The following WWP2 variants were observed in gnomAD, a reference collection of about 807,000 sequenced individuals.
The protein encoded by WWP2 is WW domain containing E3 ubiquitin protein ligase 2.
In WWP2, 57 loss-of-function variants were observed where a neutral mutation model predicts 121.0. The ratio of observed to expected loss-of-function variants is 0.47; its 90% CI spans 0.38 to 0.59. The LOEUF is 0.59. WWP2 is among the 20% of genes least tolerant of loss of function. The pLI, the probability that WWP2 is intolerant of heterozygous loss-of-function variation, is 0.00. For synonymous variants in WWP2, 449 were observed against 441.3 expected (o/e 1.02, Z -0.22); for missense variants, 962 against 1,158.9 (o/e 0.83, Z 2.47).
chr16:69,860,918 C>G (rs975548718), intron 6 of WWP2, among the ~76,000 whole-genome samples: 2 of 151,832 alleles, frequency 1.3e-5, no homozygotes, highest in Non-Finnish European at 2.9e-5. Context: ...GTAGTCCTTT[C>G]TGGTCTGGAG....
intron 6 of WWP2, among the ~76,000 whole-genome samples, chr16:69,855,062 G>C (rs1813793005): frequency 6.6e-6 from 1 of 152,094 alleles, no homozygotes; most frequent in Non-Finnish European, 1.5e-5. Flanking sequence ...TCCCCAGGCT[G>C]GTCTTGAACT....
intron 6 of WWP2, among the ~76,000 whole-genome samples, chr16:69,858,356 G>A (rs1399163250): frequency 6.6e-6 from 1 of 152,074 alleles, no homozygotes; most frequent in African/African-American, 2.4e-5. Context: ...CTCACTGCAC[G>A]TAGTAGCAGC....
chr16:69,791,608 A>G (rs755584890), intron 2 of WWP2, among the ~76,000 whole-genome samples: 10 of 151,572 alleles, frequency 6.6e-5, no homozygotes, highest in African/African-American at 1.7e-4. Context: ...TGCAGCCTCA[A>G]AATAGGCTCA....
At chr16:69,863,406 G>A (rs913779292) in intron 6 of WWP2, among the ~76,000 whole-genome samples, 4 of 152,224 alleles carry the variant, frequency 2.6e-5, no homozygotes, top group African/African-American at 9.6e-5. Flanking sequence ...TTGAGAGGCC[G>A]AGGCGGGTGA....
chr16:69,798,569 T>G, intron 2 of WWP2, 113 bp from the exon 3 acceptor site: 3 of 1,263,150 alleles, frequency 2.4e-6, no homozygotes, highest in Non-Finnish European at 3.2e-6. Flanking sequence ...CAAAACAAAA[T>G]GTATTGATTT....
At chr16:69,868,911 A>T (rs925217337) in intron 6 of WWP2, among the ~76,000 whole-genome samples, 1 of 152,064 alleles carries the variant, frequency 6.6e-6, no homozygotes, top group Non-Finnish European at 1.5e-5. Context: ...GTTGAGACAG[A>T]GTCTCTCTCT....
At chr16:69,839,986 C>T in intron 4 of WWP2, 140 bp from the exon 5 acceptor site, 2 of 1,233,754 alleles carry the variant, frequency 1.6e-6, no homozygotes, top group Admixed American at 2.3e-5. Flanking sequence ...TTTTTCCATG[C>T]CACGAGGCAA....
chr16:69,888,198 G>T lies in WWP2; in HGVS notation c.863G>T (p.Gly288Val), dbSNP rs1453516649. 6.2e-7 allele frequency: 1 copy of T among 1,614,132 alleles called. No individual in the cohort carries two copies. The highest frequency in any genetic ancestry group is 8.5e-7 in the Non-Finnish European group (1 of 1,180,018). The change falls in exon 8 of 24, where the codon GGT becomes GTT. Residue 288 changes from glycine to valine, a missense_variant. By Grantham distance (109) the Gly-to-Val change is moderately radical. Around this residue, in one of 3 missense-constraint regions of WWP2, gnomAD observed 211 missense variants for 196.5 expected, o/e 1.07. Transcript: ENST00000359154. ...PAEGEEPSTSGTQQLPAAAQA... is the reference protein window; with the variant it reads ...PAEGEEPSTSVTQQLPAAAQA... ...GAAGGAGAGGAACCCAGCACTTCGG[G>T]TACACAGCAGCTCCCAGCGGCTGCC...
chr16:69,939,544 G>A, intron 23 of WWP2, 131 bp downstream of exon 23: 1 of 876,636 alleles, frequency 1.1e-6, no homozygotes, highest in Non-Finnish European at 1.8e-6. Context: ...GTGTTGGGTT[G>A]GAGAGATGGG....
At chr16:69,938,532 T>C (rs1392975857) in intron 21 of WWP2, among the ~76,000 whole-genome samples, 2 of 152,030 alleles carry the variant, frequency 1.3e-5, no homozygotes, top group African/African-American at 2.4e-5. Context: ...TGCATGAGAA[T>C]CACTTGAACC....
chr16:69,822,013 TGCACACCACTATGCCCA>T (rs2056602092), intron 4 of WWP2, among the ~76,000 whole-genome samples: 1 of 151,968 alleles, frequency 6.6e-6, no homozygotes, highest in African/African-American at 2.4e-5. Flanking sequence ...AGACCAGAAA[TGCACACCACTATGCCCA>T]GCTTTTTTGT....
chr16:69,821,243 AC>A (rs975821935), intron 4 of WWP2, among the ~76,000 whole-genome samples: 2 of 151,640 alleles, frequency 1.3e-5, no homozygotes, highest in African/African-American at 4.9e-5. Flanking sequence ...GCCAAAAGCA[AC>A]CCCCTCCCTC....
chr16:69,932,296 C>T (rs1399383142), intron 16 of WWP2, among the ~76,000 whole-genome samples: 2 of 152,258 alleles, frequency 1.3e-5, no homozygotes, highest in Non-Finnish European at 2.9e-5. Context: ...TGCCATTGCA[C>T]TCCATCCTGG....
chr16:69,801,206 A>G (rs1365822576), intron 4 of WWP2, among the ~76,000 whole-genome samples: 1 of 144,822 alleles, frequency 6.9e-6, no homozygotes, highest in Non-Finnish European at 1.5e-5. Flanking sequence ...AAGCAATTTT[A>G]CTTTAATTAA....
At position 69,798,675 on chromosome 16, in the gene WWP2, C is replaced by T; in HGVS notation, c.71-7C>T. ...CATCTTTGACTTTTTCTTTCTTTCT[C>T]TCCCAGTGGTGTCCGCAAAGCCCAA... On this transcript the variant is annotated splice_polypyrimidine_tract_variant and splice_region_variant and intron_variant, in intron 2 of 23. Transcript: ENST00000359154. The T allele has an allele frequency of 5.0e-6, 8 of 1,613,180 alleles. No homozygotes were observed. Among genetic ancestry groups the T allele is most frequent in the Non-Finnish European group, 6.8e-6 (8 of 1,179,690 alleles).
chr16:69,828,233 C>G lies in WWP2; in HGVS notation c.341-11893C>G, dbSNP rs564481838. Among the ~76,000 whole-genome samples, 9 of 152,212 alleles carry G rather than the reference C, an allele frequency of 5.9e-5. No homozygotes were observed. The South Asian group carries it at 1.9e-3, about 32-fold the overall frequency. On this transcript the variant is annotated intron_variant, in intron 4 of 23. Coordinates refer to ENST00000359154, the MANE Select transcript of WWP2 (RefSeq NM_001270454.2). ...ATCCACCTTCCTTTCTTTCCCTCCTCCTAAGGGCAGATGCCCCATCCATGC... is the reference window on the plus strand; with the variant it reads ...ATCCACCTTCCTTTCTTTCCCTCCTGCTAAGGGCAGATGCCCCATCCATGC...
chr16:69,903,028 A>G (rs1367975368), intron 8 of WWP2, among the ~76,000 whole-genome samples: 1 of 152,216 alleles, frequency 6.6e-6, no homozygotes, highest in Non-Finnish European at 1.5e-5. Flanking sequence ...GGAAAAAATG[A>G]TATCAAAAAA....
chr16:69,893,550 C>T (rs1205707374), intron 8 of WWP2, among the ~76,000 whole-genome samples: 3 of 151,196 alleles, frequency 2.0e-5, no homozygotes, highest in Non-Finnish European at 4.4e-5. Flanking sequence ...GTTCAGAATG[C>T]TGTTTTTTTT....
At chr16:69,880,681 C>G (rs139470941) in intron 7 of WWP2, among the ~76,000 whole-genome samples, 33 of 152,290 alleles carry the variant, frequency 2.2e-4, no homozygotes, top group Admixed American at 5.9e-4. Context: ...AAATCTTTGT[C>G]CAGTTTTGGT....
Sources: allele counts gnomAD v4.1 joint callset (sites outside exome capture counted in the v4.1 genomes callset), GRCh38; gene constraint gnomAD v4.1.1; regional missense constraint gnomAD v4.1.1; transcripts MANE v1.5; gene names NCBI Gene and HGNC (gene_info 2026-07-23, HGNC 2026-07-21).